The following ETS1 variants were observed in gnomAD, a reference collection of about 807,000 sequenced individuals.
ETS1 encodes the protein protein C-ets-1.
A neutral mutation model predicts 58.6 loss-of-function variants in ETS1; 15 were observed. That is an observed-to-expected ratio of 0.26 (90% CI 0.17 to 0.39). The LOEUF (loss-of-function observed/expected upper bound fraction) is 0.39. Ranked by LOEUF, ETS1 falls within the 10% of genes least tolerant of loss-of-function variation. ETS1 has a pLI of 1.00. For missense variants in ETS1, 417 were observed against 610.5 expected, an observed-to-expected ratio of 0.68 and a Z score of 3.34; for synonymous variants, 214 against 218.2, an observed-to-expected ratio of 0.98 and a Z score of 0.17.
chr11:128,525,029 GA>G (rs35661968), intron 3 of ETS1, among the ~76,000 whole-genome samples: 59,886 of 148,902 alleles, frequency 0.4, 12,118 homozygotes, highest in Middle Eastern at 0.58. Flanking sequence ...AGGCACTCAG[GA>G]AAAAAAAAAA....
At chr11:128,551,492 T>C (rs1429527825) in intron 3 of ETS1, among the ~76,000 whole-genome samples, 1 of 152,242 alleles carries the variant, frequency 6.6e-6, no homozygotes, top group African/African-American at 2.4e-5. Context: ...GTTAGTAAAT[T>C]TGTTTTAGAG....
chr11:128,485,201 A>T, intron 6 of ETS1, 130 bp from the exon 7 acceptor site: 1 of 791,406 alleles, frequency 1.3e-6, no homozygotes, highest in Middle Eastern at 3.9e-4. Context: ...TTTAAATCAG[A>T]AAAGCTTGCA....
chr11:128,462,468 C>T lies in ETS1; in HGVS notation c.1351G>A (p.Gly451Arg). The T allele has an allele frequency of 6.2e-7, 1 of 1,614,192 alleles. No homozygotes were observed. The highest frequency in any genetic ancestry group is 8.5e-7 in the Non-Finnish European group (1 of 1,180,028). ...ACAAAGCGGTACACGTAGCGTTTCCCCGCTGTCTTGTGGATGATGTTTTTG... is the reference window on the plus strand; with the variant it reads ...ACAAAGCGGTACACGTAGCGTTTCCTCGCTGTCTTGTGGATGATGTTTTTG... ...YDKNIIHKTA[G>R]KRYVYRFVCD... The change falls in exon 10 of 10, where the codon GGG becomes AGG. Residue 451 changes from glycine (G) to arginine (R), a missense_variant. Transcript: ENST00000392668.
chr11:128,528,057 G>C (rs773006924), intron 3 of ETS1, among the ~76,000 whole-genome samples: 2 of 152,164 alleles, frequency 1.3e-5, no homozygotes, highest in African/African-American at 2.4e-5. Context: ...GTAGTGGAAG[G>C]GAAGTCCTCT....
intron 2 of ETS1, among the ~76,000 whole-genome samples, chr11:128,562,038 G>A (rs1864412836): frequency 6.6e-6 from 1 of 152,220 alleles, no homozygotes; most frequent in Non-Finnish European, 1.5e-5. Flanking sequence ...AAACAAGCAA[G>A]TATACAGGAT....
intron 3 of ETS1, among the ~76,000 whole-genome samples, chr11:128,491,113 C>G (rs545452580): frequency 6.6e-6 from 1 of 152,140 alleles, no homozygotes; most frequent in African/African-American, 2.4e-5. Flanking sequence ...TCCTGAACAC[C>G]TCTACTAGTT....
chr11:128,511,714 A>G (rs56844564), intron 3 of ETS1, among the ~76,000 whole-genome samples: 197 of 152,334 alleles, frequency 1.3e-3, no homozygotes, highest in African/African-American at 4.4e-3. Flanking sequence ...TATTAATAAC[A>G]TCATTATTAT....
chr11:128,566,345 C>T (rs1864494306), intron 2 of ETS1, among the ~76,000 whole-genome samples: 1 of 152,182 alleles, frequency 6.6e-6, no homozygotes, highest in Non-Finnish European at 1.5e-5. Context: ...TGATGGAGGT[C>T]ATCTTTGTGG....
chr11:128,484,386 A>T (rs539030549), intron 7 of ETS1, among the ~76,000 whole-genome samples: 1 of 152,276 alleles, frequency 6.6e-6, no homozygotes, highest in East Asian at 1.9e-4. Context: ...CCCAGCTAGG[A>T]TCTACAGTCA....
At chr11:128,561,734 G>A (rs183331829) in intron 2 of ETS1, among the ~76,000 whole-genome samples, 59 of 152,310 alleles carry the variant, frequency 3.9e-4, no homozygotes, top group Admixed American at 3.9e-4. Flanking sequence ...GTGAATCTAC[G>A]GGACGGACAT....
chr11:128,560,232 C>T (rs909578052), intron 2 of ETS1, among the ~76,000 whole-genome samples: 1 of 152,170 alleles, frequency 6.6e-6, no homozygotes, highest in Middle Eastern at 3.2e-3. Flanking sequence ...CCTGCCTCAG[C>T]CTCCCAAGAA....
intron 1 of ETS1, among the ~76,000 whole-genome samples, chr11:128,581,073 C>T (rs1864861367): frequency 1.3e-5 from 2 of 152,092 alleles, no homozygotes; most frequent in African/African-American, 2.4e-5. Context: ...TCTGGTATAC[C>T]ATAGCAGTTA....
intron 3 of ETS1, among the ~76,000 whole-genome samples, chr11:128,535,171 A>G (rs1863954556): frequency 6.6e-6 from 1 of 152,210 alleles, no homozygotes; most frequent in African/African-American, 2.4e-5. Flanking sequence ...CATTTATCTA[A>G]TGATCAGTGA....
intron 3 of ETS1, chr11:128,505,300 T>C (rs1863199612): frequency 1.3e-5 from 2 of 152,204 alleles, no homozygotes; most frequent in Admixed American, 6.5e-5. Context: ...TCAGGGGCAC[T>C]GGCCAGTAAG....
chr11:128,515,368 A>T (rs991506053), intron 3 of ETS1, among the ~76,000 whole-genome samples: 1 of 152,172 alleles, frequency 6.6e-6, no homozygotes, highest in African/African-American at 2.4e-5. Context: ...AAAGCTACCA[A>T]GAGGTTTCAA....
At chr11:128,570,911 C>T (rs960047384) in intron 2 of ETS1, among the ~76,000 whole-genome samples, 10 of 152,054 alleles carry the variant, frequency 6.6e-5, no homozygotes, top group African/African-American at 2.4e-4. Context: ...GGGGAGTGGG[C>T]AGTTTAAACA....
intron 3 of ETS1, among the ~76,000 whole-genome samples, chr11:128,546,986 G>A (rs893602064): frequency 3.2e-4 from 48 of 152,284 alleles, no homozygotes; most frequent in African/African-American, 1.1e-3. Flanking sequence ...GGTGTTTGCA[G>A]AGATCATCCT....
chr11:128,532,645 C>CCTCTTGCT, intron 3 of ETS1, among the ~76,000 whole-genome samples: 1 of 151,360 alleles, frequency 6.6e-6, no homozygotes, highest in East Asian at 1.9e-4. Context: ...ATGGCTGAGT[C>CCTCTTGCT]CTCTTGCTCT....
intron 3 of ETS1, among the ~76,000 whole-genome samples, chr11:128,540,320 CAAAAAAAAA>C (rs112191021): frequency 1.2e-5 from 1 of 83,956 alleles, no homozygotes; most frequent in Non-Finnish European, 2.3e-5. Context: ...AATTCCATCT[CAAAAAAAAA>C]AAAAAAAAAG....
Sources: gnomAD v4.1 joint callset for allele counts (sites outside exome capture counted in the v4.1 genomes callset) on GRCh38, gnomAD v4.1.1 for gene constraint, MANE v1.5 for transcripts, NCBI Gene and HGNC (gene_info 2026-07-23, HGNC 2026-07-21) for gene names.